HDAC8: variants seen among roughly 807,000 people sequenced by gnomAD.
The protein encoded by HDAC8 is histone deacetylase 8, also known as histone deacetylase-like 1.
Under a neutral mutation model 32.2 loss-of-function variants are expected in HDAC8, and 1 was observed. The observed-to-expected ratio is 0.03, with a 90% confidence interval of 0.01 to 0.15. The LOEUF (loss-of-function observed/expected upper bound fraction) is 0.15, where lower values mean the gene tolerates loss of function less well. HDAC8 is among the 10% of genes least tolerant of loss of function. HDAC8 has a pLI of 1.00. For missense variants in HDAC8, 117 were observed against 300.0 expected (o/e 0.39, Z 4.51); for synonymous variants, 108 against 113.9 (o/e 0.95, Z 0.33).
intron 7 of HDAC8, chrX:72,474,227 T>A (rs1365808895): frequency 1.3e-6 from 1 of 741,364 alleles, no homozygotes; most frequent in African/African-American, 2.3e-5. Flanking sequence ...GCATTCTATC[T>A]CTTATGGTTC....
intron 7 of HDAC8, among the ~76,000 whole-genome samples, chrX:72,471,771 C>A (rs1208315922): frequency 1.8e-5 from 2 of 111,851 alleles, no homozygotes; most frequent in Non-Finnish European, 3.8e-5. Context: ...ACATGATTTG[C>A]AAATATCTAC....
At chrX:72,348,909 C>G (rs1157891218) in intron 10 of HDAC8, among the ~76,000 whole-genome samples, 2 of 111,643 alleles carry the variant, frequency 1.8e-5, no homozygotes, top group Admixed American at 1.9e-4. Context: ...TTGGAAGGAG[C>G]CTTAACAGCA....
intron 5 of HDAC8, among the ~76,000 whole-genome samples, 159 bp from the exon 6 acceptor site, chrX:72,491,165 C>T (rs782439719): frequency 2.7e-5 from 3 of 111,964 alleles, no homozygotes; most frequent in African/African-American, 9.7e-5. Context: ...AACCTCTGGT[C>T]TCTAATCTCG....
At chrX:72,408,815 A>G (rs190814514) in intron 9 of HDAC8, among the ~76,000 whole-genome samples, 1 of 111,772 alleles carries the variant, frequency 8.9e-6, no homozygotes, top group Admixed American at 9.5e-5. Flanking sequence ...TTGGGAGAGA[A>G]TAGTAGGAAA....
chrX:72,432,384 G>C (rs781789854), intron 9 of HDAC8, among the ~76,000 whole-genome samples: 1 of 110,504 alleles, frequency 9.0e-6, no homozygotes, highest in Admixed American at 9.6e-5. Context: ...GGTCTACAGG[G>C]GCCCCTGAGG....
intron 4 of HDAC8, among the ~76,000 whole-genome samples, chrX:72,496,689 G>A (rs1311949579): frequency 9.1e-6 from 1 of 109,429 alleles, no homozygotes; most frequent in Non-Finnish European, 1.9e-5. Flanking sequence ...AAAAAGAGGA[G>A]AGAGATGTGG....
chrX:72,421,069 T>C (rs2046474576), intron 9 of HDAC8, among the ~76,000 whole-genome samples: 1 of 111,394 alleles, frequency 9.0e-6, no homozygotes, highest in Admixed American at 9.6e-5. Flanking sequence ...TTGTATTTAG[T>C]TAATTATCTG....
chrX:72,346,910 T>C (rs2044045224), intron 10 of HDAC8, among the ~76,000 whole-genome samples: 1 of 111,159 alleles, frequency 9.0e-6, no homozygotes, highest in Admixed American at 9.5e-5. Flanking sequence ...GGGCATGTAG[T>C]GTGAGGTAGG....
chrX:72,450,675 AAC>A (rs1156888984), intron 9 of HDAC8, among the ~76,000 whole-genome samples: 8 of 111,772 alleles, frequency 7.2e-5, no homozygotes, highest in Non-Finnish European at 1.3e-4. Flanking sequence ...GGAATCAGTA[AAC>A]TTGAAGACTG....
intron 9 of HDAC8, among the ~76,000 whole-genome samples, chrX:72,375,545 A>G (rs1207044892): frequency 9.3e-6 from 1 of 107,105 alleles, no homozygotes; most frequent in African/African-American, 3.4e-5. Flanking sequence ...CTGAAATCTT[A>G]GCTCAAGCAG....
At chrX:72,354,301 C>G (rs10521351) in intron 9 of HDAC8, among the ~76,000 whole-genome samples, 12,185 of 111,875 alleles carry the variant, frequency 0.11, 625 homozygotes, top group South Asian at 0.35. Flanking sequence ...CTTATTTGCA[C>G]TGTTCTTAGG....
intron 9 of HDAC8, among the ~76,000 whole-genome samples, chrX:72,461,474 G>A (rs1445469251): frequency 8.9e-6 from 1 of 111,809 alleles, no homozygotes; most frequent in Admixed American, 9.5e-5. Flanking sequence ...ATTTTGGATG[G>A]TCCTATTCCA....
At chrX:72,440,902 G>A (rs935862241) in intron 9 of HDAC8, among the ~76,000 whole-genome samples, 1 of 112,781 alleles carries the variant, frequency 8.9e-6, no homozygotes, top group South Asian at 3.7e-4. Flanking sequence ...GGCTTGGGGG[G>A]GTCCTACGCC....
At chrX:72,443,898 C>A (rs1488525266) in intron 9 of HDAC8, among the ~76,000 whole-genome samples, 4 of 109,295 alleles carry the variant, frequency 3.7e-5, no homozygotes, top group Non-Finnish European at 7.6e-5. Context: ...TCAGAGAATA[C>A]TACAAACACC....
At chrX:72,545,630 C>T (rs782362951) in intron 4 of HDAC8, among the ~76,000 whole-genome samples, 1 of 111,851 alleles carries the variant, frequency 8.9e-6, no homozygotes, top group Non-Finnish European at 1.9e-5. Flanking sequence ...GCCATAGGGA[C>T]AAAGCATGTC....
At chrX:72,528,013 T>C (rs1603183274) in intron 4 of HDAC8, among the ~76,000 whole-genome samples, 1 of 110,485 alleles carries the variant, frequency 9.1e-6, no homozygotes, top group East Asian at 2.8e-4. Flanking sequence ...TGACCTCAGG[T>C]GATCCACCCA....
In HDAC8 at chrX:72,475,295, T is replaced by C. The variant is rs113527557; in HGVS notation, c.738-10564A>G. 1.3e-3 allele frequency among the ~76,000 whole-genome samples: 145 copies of C among 112,419 alleles called. 2 individuals carry two copies. The highest frequency in any genetic ancestry group is 4.2e-3 in the African/African-American group (131 of 30,990). ...TGCTACTAACGCTTTGAATTCTCAATGTCAGCCTGAGAAAAGTTATTGCCA... is the reference window on the plus strand; with the variant it reads ...TGCTACTAACGCTTTGAATTCTCAACGTCAGCCTGAGAAAAGTTATTGCCA... On this transcript the variant is annotated intron_variant, in intron 7 of 10. Transcript: ENST00000373573.
chrX:72,547,678 A>G lies in HDAC8; in HGVS notation c.437+20211T>C, dbSNP rs782311042. 1.1e-3 allele frequency among the ~76,000 whole-genome samples: 128 copies of G among 111,357 alleles called. 1 individual carries two copies. Among genetic ancestry groups the G allele is most frequent in the Admixed American group, 2.0e-3 (21 of 10,444 alleles). Reference sequence around the variant, plus strand: ...ATCAGATTGCCTGGGTTTGAACCCAACTTGGTCACTTACTAAACTTCAGCA... The same window carrying G: ...ATCAGATTGCCTGGGTTTGAACCCAGCTTGGTCACTTACTAAACTTCAGCA... On this transcript the variant is annotated intron_variant, in intron 4 of 10. Transcript: ENST00000373573.
intron 9 of HDAC8, among the ~76,000 whole-genome samples, chrX:72,385,837 G>T (rs1219121889): frequency 1.8e-5 from 2 of 111,719 alleles, no homozygotes; most frequent in African/African-American, 3.3e-5. Flanking sequence ...ACACAGCTGG[G>T]ATTTGAAGTT....
Sources: gnomAD v4.1 joint callset for allele counts (sites outside exome capture counted in the v4.1 genomes callset) on GRCh38, gnomAD v4.1.1 for gene constraint, MANE v1.5 for transcripts, NCBI Gene and HGNC (gene_info 2026-07-23, HGNC 2026-07-21) for gene names.